Variants in ANXA8 observed in about 807,000 individuals in gnomAD.
ANXA8 encodes VAC-beta.
ANXA8 carries 9 observed loss-of-function variants against 26.8 expected under a neutral mutation model. The observed-to-expected ratio is 0.34, with a 90% CI of 0.20 to 0.59. The LOEUF is 0.59. Ranked by LOEUF, ANXA8 falls within the 20% of genes least tolerant of loss-of-function variation. ANXA8 has a pLI of 0.84. For missense variants in ANXA8, 83 were observed against 238.5 expected (o/e 0.35, Z 4.29); for synonymous variants, 39 against 94.8 (o/e 0.41, Z 3.42).
chr10:47,721,191 A>T, the ANXA8 span, among the ~76,000 whole-genome samples: 1 of 141,676 alleles, frequency 7.1e-6, no homozygotes, highest in Non-Finnish European at 1.6e-5. Context: ...AACAACATTG[A>T]TTTATTAATA....
chr10:47,620,038 T>C, the ANXA8 span, among the ~76,000 whole-genome samples: 1 of 107,582 alleles, frequency 9.3e-6, no homozygotes, highest in African/African-American at 3.5e-5. Context: ...ACAAAACAAG[T>C]AAAGAAAAGT....
chr10:47,551,934 A>C, the ANXA8 span: 1 of 1,001,104 alleles, frequency 1.0e-6, no homozygotes, highest in Non-Finnish European at 1.3e-6. Context: ...GCTATTTACC[A>C]ATAACAAGTA....
At chr10:47,669,941 A>G in the ANXA8 span, among the ~76,000 whole-genome samples, 1 of 151,904 alleles carries the variant, frequency 6.6e-6, no homozygotes, top group African/African-American at 2.4e-5. Context: ...TTTTACAGCC[A>G]TCACTACTTT....
the ANXA8 span, among the ~76,000 whole-genome samples, chr10:47,744,428 G>A: frequency 2.4e-5 from 2 of 83,272 alleles, 1 homozygote; most frequent in Non-Finnish European, 5.0e-5. Flanking sequence ...GGGGTTGGGG[G>A]GGAGGGGGGA....
the ANXA8 span, among the ~76,000 whole-genome samples, chr10:47,941,971 G>A: frequency 1.4e-5 from 2 of 147,608 alleles, no homozygotes; most frequent in Admixed American, 1.3e-4. Flanking sequence ...AATCAGAGAA[G>A]GCTTGACAAG....
the ANXA8 span, among the ~76,000 whole-genome samples, chr10:47,733,211 T>C: frequency 6.2e-3 from 508 of 81,946 alleles, 1 homozygote; most frequent in Admixed American, 8.2e-3. Flanking sequence ...CTTTCTTTCT[T>C]TCTTTCTTTC....
At chr10:47,666,045 C>T in the ANXA8 span, among the ~76,000 whole-genome samples, 1 of 151,354 alleles carries the variant, frequency 6.6e-6, no homozygotes, top group Non-Finnish European at 1.5e-5. Flanking sequence ...ATAAAAACTA[C>T]TGAGTAGTTT....
At chr10:47,666,860 T>C in the ANXA8 span, among the ~76,000 whole-genome samples, 2 of 152,128 alleles carry the variant, frequency 1.3e-5, no homozygotes, top group African/African-American at 4.8e-5. Flanking sequence ...GGAATTTACC[T>C]GCGGTTTTTC....
the ANXA8 span, among the ~76,000 whole-genome samples, chr10:47,702,116 A>G: frequency 2.0e-5 from 3 of 149,886 alleles, no homozygotes; most frequent in Non-Finnish European, 4.4e-5. Context: ...ATTATAAACA[A>G]GGGAAGGTTA....
chr10:47,506,506 C>T, the ANXA8 span, among the ~76,000 whole-genome samples: 18 of 139,744 alleles, frequency 1.3e-4, 3 homozygotes, highest in African/African-American at 4.5e-4. Context: ...ATTTTTTGTA[C>T]TTTCAGTAGA....
the ANXA8 span, among the ~76,000 whole-genome samples, chr10:47,506,749 C>T: frequency 1.0e-4 from 15 of 145,248 alleles, no homozygotes; most frequent in African/African-American, 3.7e-4. Context: ...AAGCGGTTCT[C>T]CTGCCTCAGC....
chr10:47,530,188 G>A, the ANXA8 span, among the ~76,000 whole-genome samples: 1 of 140,198 alleles, frequency 7.1e-6, no homozygotes, highest in Non-Finnish European at 1.5e-5. Context: ...CTTGATTATG[G>A]TGCCAGTTGC....
At chr10:47,652,326 A>C in the ANXA8 span, among the ~76,000 whole-genome samples, 1 of 151,754 alleles carries the variant, frequency 6.6e-6, no homozygotes, top group Non-Finnish European at 1.5e-5. Flanking sequence ...GGCCGAGTGC[A>C]GTGGCTGAAG....
the ANXA8 span, among the ~76,000 whole-genome samples, chr10:47,744,909 A>T: frequency 3.5e-4 from 53 of 152,116 alleles, no homozygotes; most frequent in African/African-American, 1.2e-3. Context: ...AGCTATAAAA[A>T]TAGGCTCTGT....
the ANXA8 span, among the ~76,000 whole-genome samples, chr10:47,584,126 C>G: frequency 6.7e-6 from 1 of 148,930 alleles, no homozygotes; most frequent in South Asian, 2.1e-4. Flanking sequence ...CTATAGTGAG[C>G]CGAGATCGCA....
At chr10:47,535,850 T>C in the ANXA8 span, among the ~76,000 whole-genome samples, 45 of 28,126 alleles carry the variant, frequency 1.6e-3, no homozygotes, top group African/African-American at 7.8e-3. Flanking sequence ...GGAATGAACG[T>C]TGTGTTCCGT....
chr10:47,771,453 G>C, the ANXA8 span, among the ~76,000 whole-genome samples: 1 of 150,180 alleles, frequency 6.7e-6, no homozygotes, highest in African/African-American at 2.5e-5. Context: ...ATTTATATAA[G>C]GATTTTGAAA....
chr10:47,491,610 T>C, the ANXA8 span: 1 of 1,527,004 alleles, frequency 6.5e-7, no homozygotes, highest in Non-Finnish European at 8.8e-7. Flanking sequence ...ACTGGCTCCC[T>C]CGGTGGCCTT....
At chr10:47,684,378 C>G in the ANXA8 span, among the ~76,000 whole-genome samples, 1 of 148,362 alleles carries the variant, frequency 6.7e-6, no homozygotes, top group African/African-American at 2.5e-5. Context: ...TAAAAATTTA[C>G]TATTTTTTGA....
Sources: allele counts gnomAD v4.1 joint callset (sites outside exome capture counted in the v4.1 genomes callset), GRCh38; gene constraint gnomAD v4.1.1; transcripts MANE v1.5; gene names NCBI Gene and HGNC (gene_info 2026-07-23, HGNC 2026-07-21).